The following FAF1 variants were observed in gnomAD, a reference collection of about 807,000 sequenced individuals.
FAF1 encodes the protein FAS-associated factor 1.
FAF1 carries 25 observed loss-of-function variants against 92.5 expected under a neutral mutation model. That is an observed-to-expected ratio of 0.27 (90% confidence interval 0.20 to 0.38). FAF1 has a LOEUF of 0.38. Ranked by LOEUF, FAF1 falls within the 10% of genes least tolerant of loss-of-function variation. FAF1 has a pLI of 1.00. For missense variants in FAF1, 636 were observed against 793.3 expected (o/e 0.80, Z 2.38); for synonymous variants, 234 against 273.2 (o/e 0.86, Z 1.42).
chr1:50,806,413 T>C (rs532723480), intron 2 of FAF1, among the ~76,000 whole-genome samples: 1 of 152,140 alleles, frequency 6.6e-6, no homozygotes, highest in Non-Finnish European at 1.5e-5. Flanking sequence ...ACAAACAACT[T>C]TCAAAACTGT....
intron 6 of FAF1, among the ~76,000 whole-genome samples, chr1:50,730,144 T>C (rs1658857051): frequency 6.6e-6 from 1 of 152,158 alleles, no homozygotes; most frequent in Non-Finnish European, 1.5e-5. Context: ...ATTTAATAAT[T>C]ATCATTTTTT....
chr1:50,728,007 T>C lies in FAF1; in HGVS notation c.551+10856A>G, dbSNP rs77380911. Among the ~76,000 whole-genome samples, 109 of 152,318 alleles carry C rather than the reference T, an allele frequency of 7.2e-4. 5 individuals are homozygous for C. In the East Asian group the frequency reaches 0.02, roughly 28 times the overall value. Reference sequence around the variant, plus strand: ...TTCTCAACTTGCAGATGGCCTATCATGGGACTTTAGCTTGTGATTGTGTGA... The same window carrying C: ...TTCTCAACTTGCAGATGGCCTATCACGGGACTTTAGCTTGTGATTGTGTGA... On this transcript the variant is annotated intron_variant, in intron 6 of 18. Coordinates refer to ENST00000396153, the MANE Select transcript of FAF1 (RefSeq NM_007051.3).
chr1:50,544,511 T>C (rs1294883194), intron 13 of FAF1, among the ~76,000 whole-genome samples: 1 of 152,204 alleles, frequency 6.6e-6, no homozygotes, highest in Non-Finnish European at 1.5e-5. Flanking sequence ...ACTCTCTTTG[T>C]AAGACTTTAA....
chr1:50,516,054 C>T (rs538330395), intron 15 of FAF1, among the ~76,000 whole-genome samples: 39 of 152,256 alleles, frequency 2.6e-4, no homozygotes, highest in African/African-American at 8.4e-4. Context: ...ATCTTCACAA[C>T]AATCTTATCA....
At chr1:50,779,977 T>C (rs984850180) in intron 4 of FAF1, among the ~76,000 whole-genome samples, 2 of 122,342 alleles carry the variant, frequency 1.6e-5, no homozygotes, top group East Asian at 4.6e-4. Flanking sequence ...CAAGCACACA[T>C]GCACAGACAG....
chr1:50,499,157 T>C (rs1646947740), intron 15 of FAF1, among the ~76,000 whole-genome samples: 2 of 152,208 alleles, frequency 1.3e-5, no homozygotes, highest in African/African-American at 4.8e-5. Flanking sequence ...GTACCTAGAA[T>C]AGGCAAACTC....
chr1:50,638,615 T>C (rs909049345), intron 8 of FAF1, among the ~76,000 whole-genome samples: 1 of 152,036 alleles, frequency 6.6e-6, no homozygotes, highest in Non-Finnish European at 1.5e-5. Context: ...AGCTAATTTT[T>C]TTGTATTTTT....
intron 4 of FAF1, among the ~76,000 whole-genome samples, chr1:50,774,023 G>C (rs965001944): frequency 1.3e-5 from 2 of 152,146 alleles, no homozygotes; most frequent in Non-Finnish European, 2.9e-5. Flanking sequence ...TGCACATTGA[G>C]ACCACAGTTT....
chr1:50,663,753 C>T (rs1430187195), intron 7 of FAF1, among the ~76,000 whole-genome samples: 1 of 151,578 alleles, frequency 6.6e-6, no homozygotes, highest in Non-Finnish European at 1.5e-5. Context: ...TTCCAGAGAG[C>T]CATGCCTCTC....
intron 2 of FAF1, among the ~76,000 whole-genome samples, chr1:50,819,233 T>C (rs11205773): frequency 0.086 from 13,126 of 151,952 alleles, 582 homozygotes; most frequent in African/African-American, 0.098. Context: ...TCTGACATGA[T>C]AGAAATCTTG....
intron 1 of FAF1, among the ~76,000 whole-genome samples, chr1:50,925,443 A>G (rs1247348485): frequency 6.6e-6 from 1 of 151,988 alleles, no homozygotes; most frequent in Non-Finnish European, 1.5e-5. Flanking sequence ...AGAATATACA[A>G]GGAATTCAAA....
At chr1:50,492,200 G>C (rs1646847803) in intron 15 of FAF1, among the ~76,000 whole-genome samples, 1 of 152,148 alleles carries the variant, frequency 6.6e-6, no homozygotes, top group Admixed American at 6.6e-5. Flanking sequence ...CTTTTCTCCT[G>C]ATTTTTCTGA....
chr1:50,857,831 G>A (rs906244746), intron 2 of FAF1, 98 bp downstream of exon 2: 2 of 632,552 alleles, frequency 3.2e-6, no homozygotes, highest in Admixed American at 6.3e-5. Context: ...AGTTATAGAT[G>A]AGCTATGGTA....
At chr1:50,668,661 C>A (rs2124332753) in intron 7 of FAF1, among the ~76,000 whole-genome samples, 1 of 152,266 alleles carries the variant, frequency 6.6e-6, no homozygotes, top group Middle Eastern at 3.4e-3. Flanking sequence ...ACACCAAACC[C>A]TAAGGACTGA....
chr1:50,753,313 T>G (rs1659941998), intron 4 of FAF1, among the ~76,000 whole-genome samples: 1 of 152,238 alleles, frequency 6.6e-6, no homozygotes, highest in Admixed American at 6.5e-5. Flanking sequence ...ACTGAGATTT[T>G]TCCATATCAT....
intron 1 of FAF1, among the ~76,000 whole-genome samples, chr1:50,861,854 G>C (rs1414980833): frequency 1.3e-5 from 2 of 151,716 alleles, no homozygotes; most frequent in Non-Finnish European, 2.9e-5. Flanking sequence ...AACACAGCAA[G>C]ACAGCAGCCA....
chr1:50,442,249 G>A (rs1646177060), intron 18 of FAF1, among the ~76,000 whole-genome samples: 1 of 152,098 alleles, frequency 6.6e-6, no homozygotes, highest in Non-Finnish European at 1.5e-5. Flanking sequence ...ATCTGCGAGT[G>A]AGAGAAGAAA....
intron 7 of FAF1, among the ~76,000 whole-genome samples, chr1:50,694,721 G>A (rs536730441): frequency 4.6e-5 from 7 of 150,968 alleles, no homozygotes; most frequent in South Asian, 4.2e-4. Flanking sequence ...CGAGGTGGGC[G>A]GATCACCTGA....
At chr1:50,518,842 G>A (rs1365074583) in intron 15 of FAF1, among the ~76,000 whole-genome samples, 1 of 152,130 alleles carries the variant, frequency 6.6e-6, no homozygotes, top group Non-Finnish European at 1.5e-5. Context: ...CTGAGAAACT[G>A]CCATGAAACT....
Sources: gnomAD v4.1 joint callset for allele counts (sites outside exome capture counted in the v4.1 genomes callset) on GRCh38, gnomAD v4.1.1 for gene constraint, MANE v1.5 for transcripts, NCBI Gene and HGNC (gene_info 2026-07-23, HGNC 2026-07-21) for gene names.